The following SMCHD1 variants were observed in gnomAD, a reference collection of about 807,000 sequenced individuals.
SMCHD1 encodes structural maintenance of chromosomes flexible hinge domain-containing protein 1.
Under a neutral mutation model 254.7 loss-of-function variants are expected in SMCHD1, and 78 were observed. That is an observed-to-expected ratio of 0.31 (90% CI 0.26 to 0.37). SMCHD1 has a LOEUF of 0.37. Ranked by LOEUF, SMCHD1 falls within the 10% of genes least tolerant of loss-of-function variation. The pLI is 1.00. For synonymous variants in SMCHD1, 766 were observed against 794.9 expected, an observed-to-expected ratio of 0.96 and a Z score of 0.61; for missense variants, 1,840 against 2,408.1, an observed-to-expected ratio of 0.76 and a Z score of 4.94.
chr18:2,675,903 A>G (rs1384482474), intron 5 of SMCHD1, among the ~76,000 whole-genome samples: 1 of 152,160 alleles, frequency 6.6e-6, no homozygotes, highest in Non-Finnish European at 1.5e-5. Context: ...TCTGGCAAAA[A>G]TCTTTTTGCT....
chr18:2,751,317 T>A lies in SMCHD1; in HGVS notation c.4205T>A (p.Ile1402Asn), dbSNP rs778325950. The A allele has an allele frequency of 3.2e-6, 5 of 1,578,842 alleles. No homozygotes were observed. The Admixed American group carries it at 7.8e-5, about 25-fold the overall frequency. The change falls in exon 33 of 48, where the codon ATT becomes AAT. Residue 1402 changes from isoleucine (I) to asparagine (N), a missense_variant. Physicochemically the swap from Ile to Asn is moderately radical, Grantham distance 149. This residue lies in a region of SMCHD1 where 881 missense variants were observed against 1,009.5 expected (regional missense o/e 0.87). Transcript: ENST00000320876. ...ISVISEDDSI[I>N]KNINPARISM... Reference sequence around the variant, plus strand: ...GTTATTTCTGAAGATGACAGTATCATTAAAAACATTAATCCAGCACGTATT... The same window carrying A: ...GTTATTTCTGAAGATGACAGTATCAATAAAAACATTAATCCAGCACGTATT...
At chr18:2,729,687 A>G (rs1223901040) in intron 24 of SMCHD1, among the ~76,000 whole-genome samples, 5 of 151,318 alleles carry the variant, frequency 3.3e-5, no homozygotes, top group Non-Finnish European at 7.4e-5. Flanking sequence ...CTTCTATTAA[A>G]ATACATAATT....
chr18:2,758,271 C>G (rs1388617960), intron 34 of SMCHD1, among the ~76,000 whole-genome samples: 4 of 151,856 alleles, frequency 2.6e-5, no homozygotes, highest in African/African-American at 9.7e-5. Flanking sequence ...TAGTCATTTT[C>G]TGGTAGTTAT....
intron 7 of SMCHD1, among the ~76,000 whole-genome samples, chr18:2,689,336 G>A (rs2074121817): frequency 6.7e-6 from 1 of 150,266 alleles, no homozygotes; most frequent in African/African-American, 2.4e-5. Flanking sequence ...TCCTGCCTCA[G>A]CCTCTCGAGT....
rs142973168 is a variant in SMCHD1, at chr18:2,724,884, A to AT, written c.2604-7dup. 1.7e-5 allele frequency: 26 copies of AT among 1,501,750 alleles called. No homozygotes were observed. The highest frequency in any genetic ancestry group is 4.7e-5 in the East Asian group (2 of 42,264). 93.0% of individuals were successfully genotyped at this position (1,501,750 alleles called of 1,614,324 possible). A position where few individuals can be genotyped will look rare whatever the true frequency, so the allele number is the denominator to read the frequency against. ...GGCAATTGAGGGGAGTTAAAAAATA[A>AT]TTTTTTTTCCCCAGTGGTTTATCTT... On this transcript the variant is annotated splice_polypyrimidine_tract_variant and intron_variant, in intron 20 of 47. Coordinates refer to ENST00000320876, the MANE Select transcript of SMCHD1 (RefSeq NM_015295.3).
chr18:2,756,956 A>T (rs2075693084), intron 34 of SMCHD1, among the ~76,000 whole-genome samples: 1 of 152,014 alleles, frequency 6.6e-6, no homozygotes, highest in Admixed American at 6.6e-5. Context: ...AATTTTTTAG[A>T]TCTTTTAAAG....
At chr18:2,783,247 TTC>T (rs1408864300) in intron 44 of SMCHD1, among the ~76,000 whole-genome samples, 1 of 152,222 alleles carries the variant, frequency 6.6e-6, no homozygotes, top group Non-Finnish European at 1.5e-5. Flanking sequence ...TTACTATTTT[TTC>T]CTGATTAGAT....
rs1598429605 is a variant in SMCHD1, at chr18:2,772,246, A to G, written c.5053-4A>G. Reference sequence around the variant, plus strand: ...TGTAGTTAATTTTTCTTTATAAATTATAGGTGCCACACATTGAAGCACTTC... The same window carrying G: ...TGTAGTTAATTTTTCTTTATAAATTGTAGGTGCCACACATTGAAGCACTTC... On this transcript the variant is annotated splice_polypyrimidine_tract_variant and splice_region_variant and intron_variant, in intron 40 of 47. Transcript: ENST00000320876. 4 of 1,566,686 alleles carry G rather than the reference A, an allele frequency of 2.6e-6. No homozygotes were observed. The highest frequency in any genetic ancestry group is 3.4e-6 in the Non-Finnish European group (4 of 1,162,674).
At position 2,750,240 on chromosome 18, in the gene SMCHD1, A is replaced by G. The variant is rs2304860; in HGVS notation, c.4008-110A>G. ...TAATGTTAGGCAAGAGTTGGGACTG[A>G]ATAGAAGTTGAGAGGTTTTTCTAAG... On this transcript the variant is annotated intron_variant, in intron 31 of 47. Transcript: ENST00000320876. The G allele has an allele frequency of 0.23, 320,567 of 1,400,802 alleles. 38,155 individuals are homozygous for G. Among genetic ancestry groups the G allele is most frequent in the South Asian group, 0.32 (23,918 of 73,618 alleles). 86.8% of individuals were successfully genotyped at this position (1,400,802 alleles called of 1,614,324 possible). A position where few individuals can be genotyped will look rare whatever the true frequency, so the allele number is the denominator to read the frequency against.
chr18:2,744,490 T>A (rs1000079030), intron 29 of SMCHD1, among the ~76,000 whole-genome samples: 1 of 152,174 alleles, frequency 6.6e-6, no homozygotes. Context: ...ACATATTTAT[T>A]GTGTACAACA....
In SMCHD1 at chr18:2,802,834, G is replaced by T; in HGVS notation, c.*282G>T. 1 of 329,564 alleles carries T rather than the reference G, an allele frequency of 3.0e-6. No homozygotes were observed. The highest frequency in any genetic ancestry group is 4.8e-5 in the East Asian group (1 of 20,942). The allele number at this position is 329,564 out of a possible 1,614,324, so 20.4% of individuals were successfully genotyped here. A position where few individuals can be genotyped will look rare whatever the true frequency, so the allele number is the denominator to read the frequency against. On this transcript the variant is annotated 3_prime_UTR_variant, in exon 48 of 48. Coordinates refer to ENST00000320876, the MANE Select transcript of SMCHD1 (RefSeq NM_015295.3). The stretch of plus-strand genomic sequence containing the variant: ...TGTAAGAGGAAAATGTGCTAATGTG[G>T]CAGTGACTGTAAAACTGGCACATGG...
At chr18:2,705,034 A>G (rs1317846437) in intron 13 of SMCHD1, among the ~76,000 whole-genome samples, 2 of 152,132 alleles carry the variant, frequency 1.3e-5, no homozygotes, top group Non-Finnish European at 2.9e-5. Context: ...GCTTAGTGGT[A>G]ATGGAGTAAA....
chr18:2,706,542 T>G, intron 15 of SMCHD1, 72 bp downstream of exon 15: 2 of 1,046,190 alleles, frequency 1.9e-6, no homozygotes, highest in Non-Finnish European at 2.9e-6. Context: ...GTATTCTGAG[T>G]ATGTCATTTA....
chr18:2,666,043 G>A (rs1222968507), intron 1 of SMCHD1, 114 bp from the exon 2 acceptor site: 4 of 545,870 alleles, frequency 7.3e-6, no homozygotes, highest in African/African-American at 1.9e-5. Context: ...TCCTAGATAA[G>A]TGTAGTGGTT....
At chr18:2,717,282 C>T (rs1335721399) in intron 17 of SMCHD1, among the ~76,000 whole-genome samples, 3 of 152,210 alleles carry the variant, frequency 2.0e-5, no homozygotes, top group African/African-American at 7.2e-5. Context: ...ACAGAGGATT[C>T]ACTCCCAGTT....
At chr18:2,777,683 TG>T in intron 42 of SMCHD1, 122 bp from the exon 43 acceptor site, 1 of 548,346 alleles carries the variant, frequency 1.8e-6, no homozygotes, top group Non-Finnish European at 3.3e-6. Flanking sequence ...TCACTTGTGG[TG>T]GATTGGGAAT....
intron 3 of SMCHD1, among the ~76,000 whole-genome samples, chr18:2,668,699 CCTT>C (rs1186781246): frequency 6.6e-6 from 1 of 152,054 alleles, no homozygotes; most frequent in Non-Finnish European, 1.5e-5. Context: ...TATTAGCAGT[CCTT>C]CTCTTCCTCC....
intron 32 of SMCHD1, among the ~76,000 whole-genome samples, chr18:2,750,819 T>C (rs2075557036): frequency 6.6e-6 from 1 of 152,114 alleles, no homozygotes; most frequent in African/African-American, 2.4e-5. Context: ...AAGTTACATG[T>C]ATACATAGCT....
At chr18:2,795,426 C>G (rs1330661050) in intron 45 of SMCHD1, among the ~76,000 whole-genome samples, 1 of 152,074 alleles carries the variant, frequency 6.6e-6, no homozygotes, top group Non-Finnish European at 1.5e-5. Flanking sequence ...TTTTACAGTA[C>G]AAAAAATAAG....
Sources: gnomAD v4.1 joint callset for allele counts (sites outside exome capture counted in the v4.1 genomes callset) on GRCh38, gnomAD v4.1.1 for gene constraint, gnomAD v4.1.1 regional missense constraint, MANE v1.5 for transcripts, NCBI Gene and HGNC (gene_info 2026-07-23, HGNC 2026-07-21) for gene names.